The following ATL2 variants were observed in gnomAD, a reference collection of about 807,000 sequenced individuals.
ATL2 encodes atlastin GTPase 2, also known as atlastin-2.
In ATL2, 31 loss-of-function variants were observed where a neutral mutation model predicts 73.9. The observed-to-expected ratio is 0.42, with a 90% CI of 0.32 to 0.57. The LOEUF (loss-of-function observed/expected upper bound fraction) is 0.57, where lower values mean the gene tolerates loss of function less well. Ranked by LOEUF, ATL2 falls within the 20% of genes least tolerant of loss-of-function variation. The pLI, the probability that ATL2 is intolerant of heterozygous loss-of-function variation, is 0.14. For missense variants in ATL2, 738 were observed against 702.6 expected, an observed-to-expected ratio of 1.05 and a Z score of -0.57; for synonymous variants, 291 against 237.5, an observed-to-expected ratio of 1.23 and a Z score of -2.07.
chr2:38,357,268 C>T (rs1380656075), intron 1 of ATL2, among the ~76,000 whole-genome samples: 1 of 151,952 alleles, frequency 6.6e-6, no homozygotes, highest in Non-Finnish European at 1.5e-5. Flanking sequence ...GCAGAGGTTG[C>T]AGAGAGCCAA....
chr2:38,318,797 A>G (rs1015490767), intron 3 of ATL2, 88 bp downstream of exon 3: 6 of 1,451,364 alleles, frequency 4.1e-6, no homozygotes, highest in Non-Finnish European at 5.7e-6. Flanking sequence ...GTTATCAAAC[A>G]TTAATAGTTC....
Position 38,377,256 on chromosome 2 carries a change from G to A in ATL2, c.5C>T (p.Ala2Val), listed in dbSNP as rs1450858786. Residue 2 changes from alanine (A) to valine (V), a missense_variant, in exon 1 of 13, where the codon GCG becomes GTG. Physicochemically the swap from Ala to Val is moderately conservative, Grantham distance 64. Transcript: ENST00000378954. MAEGDEAARGQQ... is the reference protein window; with the variant it reads MVEGDEAARGQQ... ...CCCTCGCGCTGCCTCGTCCCCCTCC[G>A]CCATCTTGTACCGATTTAAAATTAA... 19 of 1,581,046 alleles carry A rather than the reference G, an allele frequency of 1.2e-5. No individual in the cohort carries two copies. Among genetic ancestry groups the A allele is most frequent in the South Asian group, 3.4e-5 (3 of 87,370 alleles).
At position 38,295,955 on chromosome 2, in the gene ATL2, G is replaced by GAA; in HGVS notation, c.*37_*38dup. 1.1e-5 allele frequency: 15 copies of GAA among 1,407,904 alleles called. No homozygotes were observed. The highest frequency in any genetic ancestry group is 7.7e-5 in the East Asian group (3 of 38,820). The allele number at this position is 1,407,904 out of a possible 1,614,324, so 87.2% of individuals were successfully genotyped here. A position where few individuals can be genotyped will look rare whatever the true frequency, so the allele number is the denominator to read the frequency against. ...TGAGTTCTCATTGTACAGCAAGCATGAAAAAAAAAGAGAGTGGAGTCCGTG... is the reference window on the plus strand; with the variant it reads ...TGAGTTCTCATTGTACAGCAAGCATGAAAAAAAAAAAGAGAGTGGAGTCCGTG... On this transcript the variant is annotated 3_prime_UTR_variant, in exon 13 of 13. Transcript: ENST00000378954.
chr2:38,335,159 T>C (rs1669280049), intron 2 of ATL2, among the ~76,000 whole-genome samples: 1 of 151,624 alleles, frequency 6.6e-6, no homozygotes, highest in African/African-American at 2.4e-5. Flanking sequence ...GTAAAATTAA[T>C]GAAACCACTT....
intron 2 of ATL2, among the ~76,000 whole-genome samples, chr2:38,335,722 T>C (rs745316563): frequency 1.6e-4 from 25 of 152,162 alleles, no homozygotes; most frequent in Non-Finnish European, 2.9e-4. Context: ...TTATACACTT[T>C]ATGTATGTAA....
rs1669839035 is a variant in ATL2 at position 38,343,368 on chromosome 2, T to C, written c.263A>G (p.His88Arg). The C allele has an allele frequency of 3.1e-6, 5 of 1,611,958 alleles. No individual in the cohort carries two copies. Among genetic ancestry groups the C allele is most frequent in the Non-Finnish European group, 4.2e-6 (5 of 1,179,660 alleles). The change falls in exon 2 of 13, where the codon CAC becomes CGC. Residue 88 changes from histidine (H) to arginine (R), a missense_variant. Transcript: ENST00000378954. ...CACTACTATGTTAAGATCTCGTATGTGCTCCTGTAGCAATATCTGCTCCAA... is the reference window on the plus strand; with the variant it reads ...CACTACTATGTTAAGATCTCGTATGCGCTCCTGTAGCAATATCTGCTCCAA... ...EALEQILLQE[H>R]IRDLNIVVVS...
intron 1 of ATL2, among the ~76,000 whole-genome samples, 163 bp from the exon 2 acceptor site, chr2:38,343,675 C>G (rs571572498): frequency 6.6e-6 from 1 of 152,108 alleles, no homozygotes; most frequent in South Asian, 2.1e-4. Context: ...TGTGACAGGA[C>G]AAAGAATGCT....
At chr2:38,298,657 G>A in intron 11 of ATL2, 82 bp from the exon 12 acceptor site, 13 of 1,440,828 alleles carry the variant, frequency 9.0e-6, no homozygotes, top group Non-Finnish European at 1.2e-5. Flanking sequence ...TTTAGTCTCA[G>A]AAAGTCAAAC....
At chr2:38,365,146 C>G (rs979108923) in intron 1 of ATL2, among the ~76,000 whole-genome samples, 5 of 148,436 alleles carry the variant, frequency 3.4e-5, no homozygotes, top group African/African-American at 1.3e-4. Context: ...CACACACACA[C>G]ACACACACAC....
At chr2:38,298,617 A>T in intron 11 of ATL2, 42 bp from the exon 12 acceptor site, 4 of 1,554,696 alleles carry the variant, frequency 2.6e-6, no homozygotes, top group Non-Finnish European at 3.5e-6. Flanking sequence ...AGAAATAATT[A>T]ACACTTGAAA....
chr2:38,375,404 C>A (rs1447096724), intron 1 of ATL2, among the ~76,000 whole-genome samples: 1 of 152,096 alleles, frequency 6.6e-6, no homozygotes, highest in Non-Finnish European at 1.5e-5. Context: ...CTTGCTGATC[C>A]GTCCTAAAAA....
intron 1 of ATL2, among the ~76,000 whole-genome samples, chr2:38,359,922 G>A (rs964643327): frequency 1.3e-5 from 2 of 151,978 alleles, no homozygotes; most frequent in Non-Finnish European, 2.9e-5. Context: ...GGGGTCAGGA[G>A]TTCAAAACCA....
At chr2:38,342,974 A>T (rs1372641135) in intron 2 of ATL2, among the ~76,000 whole-genome samples, 1 of 126,736 alleles carries the variant, frequency 7.9e-6, no homozygotes, top group Non-Finnish European at 1.7e-5. Flanking sequence ...CCATAGCTAC[A>T]AAAAAAAAAA....
At chr2:38,329,524 T>C (rs947382743) in intron 2 of ATL2, among the ~76,000 whole-genome samples, 2 of 149,928 alleles carry the variant, frequency 1.3e-5, no homozygotes, top group African/African-American at 2.5e-5. Context: ...CTACCAAGCA[T>C]TTAAGGAAGA....
intron 1 of ATL2, among the ~76,000 whole-genome samples, chr2:38,366,549 C>T (rs1052619604): frequency 1.3e-5 from 2 of 152,062 alleles, no homozygotes; most frequent in African/African-American, 2.4e-5. Flanking sequence ...AGTGGCATAG[C>T]CTACACTTTG....
intron 2 of ATL2, 27 bp from the exon 3 acceptor site, chr2:38,319,046 A>C: frequency 6.3e-7 from 1 of 1,596,572 alleles, no homozygotes; most frequent in African/African-American, 1.4e-5. Context: ...TAAATGTAAA[A>C]TACAACACAA....
chr2:38,320,537 A>G (rs1668262511), intron 2 of ATL2, among the ~76,000 whole-genome samples: 2 of 152,340 alleles, frequency 1.3e-5, no homozygotes, highest in Non-Finnish European at 1.5e-5. Flanking sequence ...AATTGTTATT[A>G]TGAAATAATA....
intron 1 of ATL2, among the ~76,000 whole-genome samples, chr2:38,351,557 G>C (rs922781499): frequency 6.6e-6 from 1 of 150,618 alleles, no homozygotes; most frequent in East Asian, 2.0e-4. Context: ...GCAGTGGCAC[G>C]ATCTCGGCTC....
At chr2:38,327,684 C>G (rs1408256314) in intron 2 of ATL2, among the ~76,000 whole-genome samples, 3 of 152,068 alleles carry the variant, frequency 2.0e-5, no homozygotes, top group African/African-American at 7.2e-5. Flanking sequence ...ATCTGTAATC[C>G]CAGCACTTTG....
Sources: gnomAD v4.1 joint callset for allele counts (sites outside exome capture counted in the v4.1 genomes callset) on GRCh38, gnomAD v4.1.1 for gene constraint, MANE v1.5 for transcripts, NCBI Gene and HGNC (gene_info 2026-07-23, HGNC 2026-07-21) for gene names.